TENM2: variants seen among roughly 807,000 people sequenced by gnomAD.
TENM2 encodes the protein teneurin-2.
A neutral mutation model predicts 245.2 loss-of-function variants in TENM2; 52 were observed. The observed-to-expected ratio is 0.21, with a 90% CI of 0.17 to 0.27. The LOEUF is 0.27. TENM2 is among the 10% of genes least tolerant of loss of function. The pLI is 1.00. For synonymous variants in TENM2, 1,363 were observed against 1,438.9 expected, an observed-to-expected ratio of 0.95 and a Z score of 1.19; for missense variants, 3,046 against 3,666.8, an observed-to-expected ratio of 0.83 and a Z score of 4.37.
At chr5:167,232,956 A>G in the TENM2 span, among the ~76,000 whole-genome samples, 1 of 152,222 alleles carries the variant, frequency 6.6e-6, no homozygotes, top group Non-Finnish European at 1.5e-5. Context: ...TATGTGCTGG[A>G]GATACAAAGT....
At chr5:167,712,830 A>G (rs1456509268) in intron 2 of TENM2, among the ~76,000 whole-genome samples, 2 of 152,198 alleles carry the variant, frequency 1.3e-5, no homozygotes, top group Non-Finnish European at 2.9e-5. Context: ...AACTTGCTCT[A>G]AAATGCAGTA....
chr5:167,420,621 TC>T (rs1488070130), intron 2 of TENM2, among the ~76,000 whole-genome samples: 1 of 152,186 alleles, frequency 6.6e-6, no homozygotes, highest in Non-Finnish European at 1.5e-5. Flanking sequence ...TCTAATGTTG[TC>T]TCCTTCAAGT....
chr5:167,658,764 G>A (rs557192124), intron 2 of TENM2, among the ~76,000 whole-genome samples: 1 of 152,260 alleles, frequency 6.6e-6, no homozygotes, highest in East Asian at 1.9e-4. Context: ...AAGGACTAAT[G>A]TTTGGAATGG....
At chr5:167,284,869 TGAC>T (rs1381482625) in exon 1 of TENM2, 1 of 1,551,774 alleles carries the variant, frequency 6.4e-7, no homozygotes, top group South Asian at 1.2e-5. Flanking sequence ...CACCGCTCTT[TGAC>T]CAGAGGACGC....
At chr5:167,039,368 C>A in the TENM2 span, among the ~76,000 whole-genome samples, 2 of 152,182 alleles carry the variant, frequency 1.3e-5, no homozygotes, top group Non-Finnish European at 2.9e-5. Flanking sequence ...TGCAGAGAAT[C>A]TCAGTGCAAC....
chr5:167,860,487 C>G (rs1311470502), intron 2 of TENM2, among the ~76,000 whole-genome samples: 7 of 127,258 alleles, frequency 5.5e-5, no homozygotes, highest in Admixed American at 3.6e-4. Context: ...GCCCGGCCGC[C>G]CCTACTGGGA....
downstream of TENM2, chr5:168,263,992 C>T (rs1768432766): frequency 1.3e-5 from 2 of 152,104 alleles, no homozygotes; most frequent in South Asian, 4.2e-4. Context: ...CTAATAAGAA[C>T]TTTGGTACAG....
chr5:168,129,327 G>A (rs1032193807), intron 12 of TENM2: 5 of 152,186 alleles, frequency 3.3e-5, no homozygotes, highest in Non-Finnish European at 7.3e-5. Context: ...TCACATCTTT[G>A]TGAGATGACA....
At chr5:168,168,681 CA>C (rs36016365) in intron 13 of TENM2, among the ~76,000 whole-genome samples, 14,777 of 127,712 alleles carry the variant, frequency 0.12, 676 homozygotes, top group South Asian at 0.16. Flanking sequence ...GACCCTGTCT[CA>C]AAAAAAAAAA....
Position 167,572,556 on chromosome 5 carries a change from G to C in TENM2, c.502+197083G>C, listed in dbSNP as rs375885137. On this transcript the variant is annotated intron_variant, in intron 2 of 28. Coordinates refer to ENST00000518659, the Ensembl canonical transcript of TENM2. Reference sequence around the variant, plus strand: ...TGTTTTAGCTCTGCTTACCATGAAAGGTAAGCAGTCATTTTCACCAATAAC... The same window carrying C: ...TGTTTTAGCTCTGCTTACCATGAAACGTAAGCAGTCATTTTCACCAATAAC... Among the ~76,000 whole-genome samples, 245 of 152,190 alleles carry C rather than the reference G, an allele frequency of 1.6e-3. 11 individuals carry two copies. The South Asian group carries it at 0.049, about 30-fold the overall frequency.
intron 27 of TENM2, 51 bp downstream of exon 29, chr5:168,248,422 T>G: frequency 6.4e-7 from 1 of 1,551,374 alleles, no homozygotes; most frequent in Non-Finnish European, 8.7e-7. Flanking sequence ...AGGGTACTTG[T>G]TGCTGTGGGG....
chr5:167,991,179 A>G (rs1266471967), intron 4 of TENM2, among the ~76,000 whole-genome samples: 1 of 152,228 alleles, frequency 6.6e-6, no homozygotes, highest in Non-Finnish European at 1.5e-5. Flanking sequence ...TGAGTGGTCA[A>G]TAAACTAAGT....
At chr5:167,342,690 G>T (rs1758189894) in intron 1 of TENM2, among the ~76,000 whole-genome samples, 1 of 151,466 alleles carries the variant, frequency 6.6e-6, no homozygotes, top group Non-Finnish European at 1.5e-5. Context: ...ACTGCGCCTG[G>T]CTAATTTTTT....
At chr5:167,562,181 A>G (rs1334787038) in intron 2 of TENM2, among the ~76,000 whole-genome samples, 1 of 152,186 alleles carries the variant, frequency 6.6e-6, no homozygotes, top group Non-Finnish European at 1.5e-5. Context: ...GCATCCATCC[A>G]TCCGTCTCCT....
At chr5:167,511,294 A>G (rs1191083789) in intron 2 of TENM2, among the ~76,000 whole-genome samples, 2 of 152,144 alleles carry the variant, frequency 1.3e-5, no homozygotes, top group East Asian at 3.9e-4. Context: ...AGAGGCTCAT[A>G]GGGTAAGAAA....
chr5:167,484,935 C>T (rs575194051), intron 2 of TENM2, among the ~76,000 whole-genome samples: 8 of 152,320 alleles, frequency 5.3e-5, no homozygotes, highest in African/African-American at 1.9e-4. Context: ...CTCAGACATG[C>T]TGAATTACAT....
chr5:167,960,493 T>C (rs1480418428), intron 4 of TENM2, among the ~76,000 whole-genome samples: 1 of 152,198 alleles, frequency 6.6e-6, no homozygotes, highest in African/African-American at 2.4e-5. Flanking sequence ...TTGTTTACAC[T>C]GTGAGGGGAA....
At chr5:168,040,986 G>A (rs1040572399) in intron 5 of TENM2, among the ~76,000 whole-genome samples, 2 of 152,194 alleles carry the variant, frequency 1.3e-5, no homozygotes, top group Non-Finnish European at 2.9e-5. Context: ...GCTTACAAAG[G>A]GAAGTGTGTA....
At chr5:168,185,915 C>CATATAT (rs200942772) in intron 13 of TENM2, among the ~76,000 whole-genome samples, 107 of 73,530 alleles carry the variant, frequency 1.5e-3, no homozygotes, top group South Asian at 4.7e-3. Flanking sequence ...ACCAGACTGA[C>CATATAT]ATATATATAT....
Sources: allele counts gnomAD v4.1 joint callset (sites outside exome capture counted in the v4.1 genomes callset), GRCh38; gene constraint gnomAD v4.1.1; transcripts MANE v1.5; gene names NCBI Gene and HGNC (gene_info 2026-07-23, HGNC 2026-07-21).